Variants in SEPTIN11 observed in about 807,000 individuals in gnomAD.
SEPTIN11 encodes septin-11.
SEPTIN11 carries 25 observed loss-of-function variants against 51.4 expected under a neutral mutation model. The observed-to-expected ratio is 0.49, with a 90% CI of 0.35 to 0.68. SEPTIN11 has a LOEUF of 0.68. Ranked by LOEUF, SEPTIN11 falls within the 30% of genes least tolerant of loss-of-function variation. SEPTIN11 has a pLI of 0.00. For missense variants in SEPTIN11, 381 were observed against 520.8 expected, an observed-to-expected ratio of 0.73 and a Z score of 2.61; for synonymous variants, 174 against 184.1, an observed-to-expected ratio of 0.95 and a Z score of 0.44.
intron 7 of SEPTIN11, 86 bp downstream of exon 7, chr4:77,020,756 AGATGGT>A: frequency 7.8e-7 from 1 of 1,282,868 alleles, no homozygotes; most frequent in East Asian, 2.4e-5. Context: ...TGCTGGATTG[AGATGGT>A]GATGATGGAA....
chr4:76,959,118 C>T lies in SEPTIN11; in HGVS notation c.27+9188C>T, dbSNP rs371814838. 88 of 625,030 alleles carry T rather than the reference C, an allele frequency of 1.4e-4. No homozygotes were observed. The African/African-American group carries it at 1.5e-3, about 10-fold the overall frequency. 38.7% of individuals were successfully genotyped at this position (625,030 alleles called of 1,614,324 possible). ...AAGTCAACTACAAGTTTATTGCCTG[C>T]GGTGTCCAAGGCTTCCTGAAAAGCA... On this transcript the variant is annotated intron_variant, in intron 1 of 9. Coordinates refer to ENST00000264893, the MANE Select transcript of SEPTIN11 (RefSeq NM_018243.4).
chr4:77,015,998 T>A (rs1264799183), intron 5 of SEPTIN11, among the ~76,000 whole-genome samples: 1 of 152,190 alleles, frequency 6.6e-6, no homozygotes, highest in Non-Finnish European at 1.5e-5. Flanking sequence ...CAGTGGTTTG[T>A]AGATAACAGA....
At chr4:77,022,916 T>G (rs1725822400) in intron 7 of SEPTIN11, among the ~76,000 whole-genome samples, 1 of 147,568 alleles carries the variant, frequency 6.8e-6, no homozygotes, top group Admixed American at 6.8e-5. Context: ...CTGGGTTCCT[T>G]AGGATCCCTG....
intron 2 of SEPTIN11, among the ~76,000 whole-genome samples, chr4:76,997,432 A>C (rs1723799835): frequency 6.6e-6 from 1 of 152,170 alleles, no homozygotes; most frequent in South Asian, 2.1e-4. Flanking sequence ...CCATTTGCTT[A>C]TTTGTCAGTT....
At chr4:76,986,785 C>G (rs933570439) in intron 1 of SEPTIN11, among the ~76,000 whole-genome samples, 7 of 152,126 alleles carry the variant, frequency 4.6e-5, no homozygotes, top group African/African-American at 1.7e-4. Flanking sequence ...CAAAAAAGAT[C>G]TTTATTTAGT....
intron 1 of SEPTIN11, chr4:76,987,835 A>G: frequency 1.0e-6 from 1 of 981,546 alleles, no homozygotes; most frequent in Non-Finnish European, 1.2e-6. Flanking sequence ...CTACTGAAAT[A>G]GGACCTCAGA....
At chr4:77,009,093 T>C (rs1402530077) in intron 3 of SEPTIN11, among the ~76,000 whole-genome samples, 1 of 152,178 alleles carries the variant, frequency 6.6e-6, no homozygotes, top group Non-Finnish European at 1.5e-5. Context: ...TAGGGAATAG[T>C]GGTTTTGGTA....
chr4:76,949,875 G>T lies in SEPTIN11; in HGVS notation c.-29G>T, dbSNP rs766877922. 1.5e-5 allele frequency: 23 copies of T among 1,516,144 alleles called. No individual in the cohort carries two copies. In the African/African-American group the frequency reaches 3.2e-4, roughly 21 times the overall value. 93.9% of individuals were successfully genotyped at this position (1,516,144 alleles called of 1,614,324 possible). ...GCCGGAGTCGGCGTAAAGCACCCGG[G>T]CGCAGCCGGAGCCGGTGCCGCAGCT... On this transcript the variant is annotated 5_prime_UTR_variant, in exon 1 of 10. Transcript: ENST00000264893.
In SEPTIN11 at chr4:77,036,574, T is replaced by C. The variant is rs978947367; in HGVS notation, c.*2062T>C. 7 of 1,423,582 alleles carry C rather than the reference T, an allele frequency of 4.9e-6. No individual in the cohort carries two copies. The highest frequency in any genetic ancestry group is 1.5e-5 in the African/African-American group (1 of 68,484). The allele number at this position is 1,423,582 out of a possible 1,614,324, so 88.2% of individuals were successfully genotyped here. ...AAGATTATTGATTGGATTGACTTTTTTGCATTAAATTTTTCCCAGCAAAAT... is the reference window on the plus strand; with the variant it reads ...AAGATTATTGATTGGATTGACTTTTCTGCATTAAATTTTTCCCAGCAAAAT... On this transcript the variant is annotated 3_prime_UTR_variant, in exon 10 of 10. Transcript: ENST00000264893.
intron 1 of SEPTIN11, among the ~76,000 whole-genome samples, chr4:76,970,433 A>T (rs978199888): frequency 1.3e-5 from 2 of 152,238 alleles, no homozygotes; most frequent in Non-Finnish European, 2.9e-5. Context: ...AGAGCGACTT[A>T]GTCAGAAAAC....
At position 77,031,011 on chromosome 4, in the gene SEPTIN11, A is replaced by G; in HGVS notation, c.1274+41A>G. On this transcript the variant is annotated intron_variant, in intron 9 of 9. Transcript: ENST00000264893. Reference sequence around the variant, plus strand: ...CCCCCTGTATCGGGGACCTCTAACAATTTATTCCTCTTGCATGTCTCTACT... The same window carrying G: ...CCCCCTGTATCGGGGACCTCTAACAGTTTATTCCTCTTGCATGTCTCTACT... 1.9e-6 allele frequency: 3 copies of G among 1,539,110 alleles called. No homozygotes were observed. The South Asian group carries it at 3.6e-5, about 19-fold the overall frequency.
At chr4:76,951,196 T>C (rs1721326707) in intron 1 of SEPTIN11, among the ~76,000 whole-genome samples, 3 of 152,104 alleles carry the variant, frequency 2.0e-5, no homozygotes, top group African/African-American at 7.2e-5. Context: ...TTTTGCACCC[T>C]ACCCCCTCGG....
In SEPTIN11 at chr4:77,036,661, A is replaced by T. The variant is rs4076784; in HGVS notation, c.*2149A>T. ...GAAACAAATAGAAGCTTTTTTTTTTAAAAAATGTATTGCTTCTGAACTTTT... is the reference window on the plus strand; with the variant it reads ...GAAACAAATAGAAGCTTTTTTTTTTTAAAAATGTATTGCTTCTGAACTTTT... On this transcript the variant is annotated 3_prime_UTR_variant, in exon 10 of 10. Coordinates refer to ENST00000264893, the MANE Select transcript of SEPTIN11 (RefSeq NM_018243.4). 0.034 allele frequency: 50,141 copies of T among 1,486,208 alleles called. 1,358 individuals carry two copies. The highest frequency in any genetic ancestry group is 0.17 in the African/African-American group (12,138 of 69,396). The allele number at this position is 1,486,208 out of a possible 1,614,324, so 92.1% of individuals were successfully genotyped here. A position where few individuals can be genotyped will look rare whatever the true frequency, so the allele number is the denominator to read the frequency against.
chr4:76,987,449 T>C (rs190264306), intron 1 of SEPTIN11, among the ~76,000 whole-genome samples: 5 of 152,308 alleles, frequency 3.3e-5, no homozygotes, highest in African/African-American at 9.6e-5. Context: ...TTTTATATTA[T>C]GAAAGTTACC....
At chr4:77,017,383 T>G (rs546161162) in intron 5 of SEPTIN11, among the ~76,000 whole-genome samples, 24 of 152,340 alleles carry the variant, frequency 1.6e-4, no homozygotes, top group African/African-American at 5.8e-4. Flanking sequence ...ACGTAATGTC[T>G]GAGGAAAACA....
At chr4:76,960,397 A>G (rs190670409) in intron 1 of SEPTIN11, among the ~76,000 whole-genome samples, 1 of 152,294 alleles carries the variant, frequency 6.6e-6, no homozygotes, top group Non-Finnish European at 1.5e-5. Flanking sequence ...TGATAATCAA[A>G]TTTGCTCCTT....
chr4:76,963,987 T>C (rs1721923826), intron 1 of SEPTIN11, among the ~76,000 whole-genome samples: 1 of 152,030 alleles, frequency 6.6e-6, no homozygotes, highest in Admixed American at 6.5e-5. Flanking sequence ...CAGTGTGTGA[T>C]GTTCCCCTTC....
In SEPTIN11 at chr4:76,978,698, A is replaced by T. The variant is rs77840307; in HGVS notation, c.28-17727A>T. ...ATGAGACCTATGTAAAATACTCAGCATAATGCCTGCCATATATGTATAAAA... is the reference window on the plus strand; with the variant it reads ...ATGAGACCTATGTAAAATACTCAGCTTAATGCCTGCCATATATGTATAAAA... On this transcript the variant is annotated intron_variant, in intron 1 of 9. Transcript: ENST00000264893. Among the ~76,000 whole-genome samples the T allele has an allele frequency of 2.0e-5, 3 of 152,302 alleles. No individual in the cohort carries two copies. In the South Asian group the frequency reaches 6.2e-4, roughly 32 times the overall value.
At chr4:76,970,726 A>G (rs1722204622) in intron 1 of SEPTIN11, among the ~76,000 whole-genome samples, 1 of 152,232 alleles carries the variant, frequency 6.6e-6, no homozygotes, top group Non-Finnish European at 1.5e-5. Flanking sequence ...ACTCCTATCA[A>G]TCAGAAAATA....
Sources: allele counts gnomAD v4.1 joint callset (sites outside exome capture counted in the v4.1 genomes callset), GRCh38; gene constraint gnomAD v4.1.1; transcripts MANE v1.5; gene names NCBI Gene and HGNC (gene_info 2026-07-23, HGNC 2026-07-21).